Variants in GLI1 observed in about 807,000 individuals in gnomAD.
GLI1 encodes the protein transcription activator GLI1.
A neutral mutation model predicts 87.8 loss-of-function variants in GLI1; 51 were observed. The ratio of observed to expected loss-of-function variants is 0.58; its 90% CI spans 0.46 to 0.73. The LOEUF is 0.73. Ranked by LOEUF, GLI1 falls within the 30% of genes least tolerant of loss-of-function variation. GLI1 has a pLI of 0.00. For synonymous variants in GLI1, 528 were observed against 558.2 expected (o/e 0.95, Z 0.76); for missense variants, 1,292 against 1,437.2 (o/e 0.90, Z 1.63).
chr12:57,471,234 T>A lies in GLI1; in HGVS notation c.2494T>A (p.Cys832Ser). ...GTCTGACTCCACAGGACTGGCACCC[T>A]GCCTCAATGCCCACCCCAGTGAGGG... is the stretch of plus-strand genomic sequence containing the variant. The part of the protein sequence containing the change: ...VGSDSTGLAP[C>S]LNAHPSEGPP... The change falls in exon 12 of 12, where the codon TGC becomes AGC. Residue 832 changes from cysteine to serine, a missense_variant. Physicochemically the swap from Cys to Ser is moderately radical, Grantham distance 112. Around this residue, in one of 3 missense-constraint regions of GLI1, gnomAD observed 897 missense variants for 1,040.7 expected, o/e 0.86. Coordinates refer to ENST00000228682, the MANE Select transcript of GLI1 (RefSeq NM_005269.3). The surrounding 1 kb of genome is among the most constrained non-coding windows in gnomAD (Gnocchi z 4.9). 6.2e-7 allele frequency: 1 copy of A among 1,603,852 alleles called. No homozygotes were observed. The highest frequency in any genetic ancestry group is 1.7e-5 in the Admixed American group (1 of 58,322).
rs1871711483 is a variant in GLI1, at chr12:57,469,321, A to G, written c.1309-110A>G. On this transcript the variant is annotated intron_variant, in intron 10 of 11. Transcript: ENST00000228682. ...TACCTGCTTAGCCCTTTCTACACTT[A>G]CAAGCTTCCTTGGAACCCCAGCAGT... 4.5e-6 allele frequency: 5 copies of G among 1,108,276 alleles called. No homozygotes were observed. The Admixed American group carries it at 8.9e-5, about 20-fold the overall frequency. 68.7% of individuals were successfully genotyped at this position (1,108,276 alleles called of 1,614,324 possible).
chr12:57,470,197 ACTGGTTAGGGATAACGAGCTT>A, intron 11 of GLI1, 99 bp from the exon 12 acceptor site: 1 of 736,566 alleles, frequency 1.4e-6, no homozygotes, highest in East Asian at 2.5e-5. Context: ...GACAGAACAG[ACTGGTTAGGGATAACGAGCTT>A]ACCCCTGAGA....
In GLI1 at chr12:57,460,042, G is replaced by A. The variant is rs969132647; in HGVS notation, c.-187G>A. On this transcript the variant is annotated 5_prime_UTR_variant, in exon 1 of 12. Coordinates refer to ENST00000228682, the MANE Select transcript of GLI1 (RefSeq NM_005269.3). Reference sequence around the variant, plus strand: ...GGGTGGTCCGGGCTTGCGGCCCGGCGGGCTGGGCCGGCGGGAGGGCTGGGG... The same window carrying A: ...GGGTGGTCCGGGCTTGCGGCCCGGCAGGCTGGGCCGGCGGGAGGGCTGGGG... The A allele has an allele frequency of 4.6e-5, 7 of 151,196 alleles. No individual in the cohort carries two copies. The highest frequency in any genetic ancestry group is 1.7e-4 in the African/African-American group (7 of 41,172). 9.4% of individuals were successfully genotyped at this position (151,196 alleles called of 1,614,324 possible).
At chr12:57,466,193 C>A in intron 7 of GLI1, 47 bp from the exon 8 acceptor site, 1 of 1,581,240 alleles carries the variant, frequency 6.3e-7, no homozygotes, top group Non-Finnish European at 8.6e-7. Flanking sequence ...TTCTGGACCT[C>A]AGGGTCATGG....
intron 8 of GLI1, among the ~76,000 whole-genome samples, 181 bp from the exon 9 acceptor site, chr12:57,467,152 G>A (rs1275265391): frequency 6.6e-6 from 1 of 152,124 alleles, no homozygotes; most frequent in Non-Finnish European, 1.5e-5. Context: ...GCCTCCAACT[G>A]CTTCCCTTCT....
rs972690369 is a variant in GLI1, at chr12:57,470,413, G to C, written c.1673G>C (p.Arg558Pro). ...SISSAYTVSR[R>P]SSLASPFPPG... ...AGCTCTGCCTATACTGTCAGCCGCC[G>C]CTCCTCCCTGGCCTCTCCTTTCCCC... The change falls in exon 12 of 12, where the codon CGC becomes CCC. Residue 558 changes from arginine to proline, a missense_variant. This residue lies in a region of GLI1 where 897 missense variants were observed against 1,040.7 expected (regional missense o/e 0.86). Transcript: ENST00000228682. The C allele has an allele frequency of 4.3e-6, 7 of 1,613,864 alleles. No individual in the cohort carries two copies. The highest frequency in any genetic ancestry group is 1.7e-5 in the Admixed American group (1 of 59,988).
chr12:57,462,404 T>C (rs1244132894), intron 1 of GLI1, among the ~76,000 whole-genome samples: 1 of 151,292 alleles, frequency 6.6e-6, no homozygotes, highest in East Asian at 2.0e-4. Context: ...CATCCCGGGA[T>C]CACCCACCGC....
intron 2 of GLI1, 89 bp downstream of exon 2, chr12:57,463,880 C>T: frequency 1.0e-6 from 1 of 982,540 alleles, no homozygotes; most frequent in Non-Finnish European, 1.6e-6. Context: ...TTCCTATCTA[C>T]AGGAGGATTT....
At position 57,465,940 on chromosome 12, in the gene GLI1, G is replaced by A. The variant is rs368375139; in HGVS notation, c.762+15G>A. ...AGCTGGTGCACGTGAGCCCCAGGGGGTAACAGGAATGGCTAGCCAGAACCT... is the reference window on the plus strand; with the variant it reads ...AGCTGGTGCACGTGAGCCCCAGGGGATAACAGGAATGGCTAGCCAGAACCT... On this transcript the variant is annotated intron_variant, in intron 7 of 11. Coordinates refer to ENST00000228682, the MANE Select transcript of GLI1 (RefSeq NM_005269.3). 2.5e-6 allele frequency: 4 copies of A among 1,611,350 alleles called. No individual in the cohort carries two copies. Among genetic ancestry groups the A allele is most frequent in the Middle Eastern group, 1.7e-4 (1 of 6,052 alleles).
rs1278185299 is a variant in GLI1 at position 57,463,656 on chromosome 12, T to G, written c.-27-9T>G. 6 of 1,274,310 alleles carry G rather than the reference T, an allele frequency of 4.7e-6. No homozygotes were observed. Among genetic ancestry groups the G allele is most frequent in the Non-Finnish European group, 6.9e-6 (6 of 872,892 alleles). The allele number at this position is 1,274,310 out of a possible 1,614,324, so 78.9% of individuals were successfully genotyped here. A position where few individuals can be genotyped will look rare whatever the true frequency, so the allele number is the denominator to read the frequency against. ...CCTCCACCTTTATACCTACCTTCCCTTTCTGCAGTGTCCCCACACCCTCCT... is the reference window on the plus strand; with the variant it reads ...CCTCCACCTTTATACCTACCTTCCCGTTCTGCAGTGTCCCCACACCCTCCT... On this transcript the variant is annotated splice_polypyrimidine_tract_variant and intron_variant, in intron 1 of 11. Transcript: ENST00000228682.
In GLI1 at chr12:57,471,666, G is replaced by A; in HGVS notation, c.2926G>A (p.Val976Met). 6.2e-7 allele frequency: 1 copy of A among 1,611,284 alleles called. No homozygotes were observed. The highest frequency in any genetic ancestry group is 8.5e-7 in the Non-Finnish European group (1 of 1,178,726). ...TTCACCATGCCATGAAAATTTTGTA[G>A]TGGGGGCAAATAGGGCTTCACATAG... is the stretch of plus-strand genomic sequence containing the variant. ...TPSPCHENFV[V>M]GANRASHRAA... Residue 976 changes from valine to methionine, a missense_variant, in exon 12 of 12, where the codon GTG becomes ATG. Val to Met is a conservative substitution (Grantham distance 21). Around this residue, in one of 3 missense-constraint regions of GLI1, gnomAD observed 897 missense variants for 1,040.7 expected, o/e 0.86. Transcript: ENST00000228682. This position sits in a 1 kb window ranked among gnomAD's most constrained non-coding sequence, Gnocchi z 4.9.
intron 7 of GLI1, 90 bp downstream of exon 7, chr12:57,466,015 T>A (rs1313065822): frequency 4.6e-6 from 6 of 1,305,348 alleles, no homozygotes; most frequent in African/African-American, 1.5e-5. Context: ...GGGCAGGAGG[T>A]CAGAGGAGAC....
In GLI1 at chr12:57,468,196, G is replaced by A; in HGVS notation, c.1280G>A (p.Ser427Asn). 6.2e-7 allele frequency: 1 copy of A among 1,613,954 alleles called. No individual in the cohort carries two copies. ...GAAGGAGGTCCCATCAGGGAGGAAA[G>A]CAGACTGACTGTGCCAGAGGGTGCC... ...EREGGPIREE[S>N]RLTVPEGAMK... The change falls in exon 10 of 12, where the codon AGC (serine) becomes AAC (asparagine). Residue 427 changes from serine (S) to asparagine (N), a missense_variant. Around this residue, in one of 3 missense-constraint regions of GLI1, gnomAD observed 897 missense variants for 1,040.7 expected, o/e 0.86. Transcript: ENST00000228682.
intron 11 of GLI1, 22 bp from the exon 12 acceptor site, chr12:57,470,295 C>T (rs767787250): frequency 4.6e-6 from 7 of 1,524,758 alleles, no homozygotes; most frequent in Middle Eastern, 2.0e-4. Context: ...ACCATCCTAC[C>T]TTTTCTCCCC....
At chr12:57,460,996 C>T (rs532971143) in intron 1 of GLI1, among the ~76,000 whole-genome samples, 1 of 152,298 alleles carries the variant, frequency 6.6e-6, no homozygotes, top group Admixed American at 6.5e-5. Flanking sequence ...CCTGTGTATC[C>T]CCGTTGGCAC....
Position 57,465,704 on chromosome 12 carries a change from G to T in GLI1, c.624+8G>T. On this transcript the variant is annotated splice_region_variant and intron_variant, in intron 6 of 11. Coordinates refer to ENST00000228682, the MANE Select transcript of GLI1 (RefSeq NM_005269.3). ...AACTCCACAGGCATACAGGTAAGGG[G>T]ATGGGCAGGAGCTTTACCTCTGGGA... The T allele has an allele frequency of 3.1e-6, 5 of 1,613,656 alleles. No individual in the cohort carries two copies. The highest frequency in any genetic ancestry group is 4.2e-6 in the Non-Finnish European group (5 of 1,179,530).
chr12:57,463,650 C>A lies in GLI1; in HGVS notation c.-27-15C>A. ...CTATTTCCTCCACCTTTATACCTAC[C>A]TTCCCTTTCTGCAGTGTCCCCACAC... On this transcript the variant is annotated splice_polypyrimidine_tract_variant and intron_variant, in intron 1 of 11. Transcript: ENST00000228682. 1 of 1,180,944 alleles carries A rather than the reference C, an allele frequency of 8.5e-7. No homozygotes were observed. Among genetic ancestry groups the A allele is most frequent in the Non-Finnish European group, 1.3e-6 (1 of 788,082 alleles). 73.2% of individuals were successfully genotyped at this position (1,180,944 alleles called of 1,614,324 possible). A position where few individuals can be genotyped will look rare whatever the true frequency, so the allele number is the denominator to read the frequency against.
rs906720694 is a variant in GLI1 at position 57,470,635 on chromosome 12, A to G, written c.1895A>G (p.Asn632Ser). 1.2e-6 allele frequency: 2 copies of G among 1,613,532 alleles called. No individual in the cohort carries two copies. The highest frequency in any genetic ancestry group is 1.1e-5 in the South Asian group (1 of 91,076). Residue 632 changes from asparagine (N) to serine (S), a missense_variant, in exon 12 of 12, where the codon AAT (asparagine) becomes AGT (serine). Coordinates refer to ENST00000228682, the MANE Select transcript of GLI1 (RefSeq NM_005269.3). ...GCCGAGTATCCAGGATACAACCCCA[A>G]TGCAGGGGTCACCCGGAGGGCCAGT... Reference protein sequence around the residue: ...SRAEYPGYNPNAGVTRRASDP... With the variant: ...SRAEYPGYNPSAGVTRRASDP...
rs1484229448 is a variant in GLI1, at chr12:57,465,672, C to T, written c.600C>T (p.Ser200=). 1 of 1,614,136 alleles carries T rather than the reference C, an allele frequency of 6.2e-7. No individual in the cohort carries two copies. The highest frequency in any genetic ancestry group is 8.5e-7 in the Non-Finnish European group (1 of 1,179,962). The change falls in exon 6 of 12, where the codon TCC becomes TCT. Residue 200 remains serine (S), a synonymous_variant. Coordinates refer to ENST00000228682, the MANE Select transcript of GLI1 (RefSeq NM_005269.3). The stretch of plus-strand genomic sequence containing the variant: ...AGGAACCCTTGGAAGGTGATATGTC[C>T]AGCCCCAACTCCACAGGCATACAGG... The part of the protein sequence containing the change: ...CREEPLEGDM[S]SPNSTGIQDP...
Sources: allele counts gnomAD v4.1 joint callset (sites outside exome capture counted in the v4.1 genomes callset), GRCh38; gene constraint gnomAD v4.1.1; regional missense constraint gnomAD v4.1.1; non-coding constraint Gnocchi (gnomAD v3.1); transcripts MANE v1.5; gene names NCBI Gene and HGNC (gene_info 2026-07-23, HGNC 2026-07-21).